The following FAAP20 variants were observed in gnomAD, a reference collection of about 807,000 sequenced individuals.
FAAP20 encodes the protein Fanconi anemia core complex-associated protein 20.
Under a neutral mutation model 16.2 loss-of-function variants are expected in FAAP20, and 12 were observed. The ratio of observed to expected loss-of-function variants is 0.74; its 90% CI spans 0.48 to 1.20. The LOEUF (loss-of-function observed/expected upper bound fraction) is 1.20, where lower values mean the gene tolerates loss of function less well. FAAP20 is among the 50% of genes most tolerant of loss of function. FAAP20 has a pLI of 0.00. For synonymous variants in FAAP20, 141 were observed against 110.7 expected, an observed-to-expected ratio of 1.27 and a Z score of -1.72; for missense variants, 288 against 245.8, an observed-to-expected ratio of 1.17 and a Z score of -1.15.
chr1:2,198,104 T>C, upstream of FAAP20: 2 of 1,291,242 alleles, frequency 1.5e-6, no homozygotes, highest in South Asian at 2.5e-5. Flanking sequence ...AACGCTCCAC[T>C]TCTTCGGAGC....
chr1:2,194,336 G>C (rs1167762940), intron 1 of FAAP20: 2 of 471,074 alleles, frequency 4.2e-6, no homozygotes, highest in Non-Finnish European at 7.4e-6. Flanking sequence ...GGGGGTGGGG[G>C]AGCGGGGTGG....
chr1:2,187,297 CTT>C (rs1287440881), downstream of FAAP20: 1 of 367,878 alleles, frequency 2.7e-6, no homozygotes, highest in African/African-American at 2.3e-5. Context: ...TTTTTTTTTT[CTT>C]TTTCTTTTTT....
downstream of FAAP20, chr1:2,184,496 T>C (rs1434456379): frequency 2.3e-5 from 21 of 930,022 alleles, 1 homozygote; most frequent in Admixed American, 4.7e-4. Flanking sequence ...CACTGTTTCA[T>C]TTTGTGATTG....
chr1:2,197,381 C>T (rs1025586603), upstream of FAAP20, among the ~76,000 whole-genome samples: 1 of 152,246 alleles, frequency 6.6e-6, no homozygotes, highest in Non-Finnish European at 1.5e-5. Context: ...CTCAAGTGAC[C>T]CAGACCCGGG....
At chr1:2,186,417 G>GC (rs1254234083), downstream of FAAP20, among the ~76,000 whole-genome samples, 1 of 151,924 alleles carries the variant, frequency 6.6e-6, no homozygotes, top group Admixed American at 6.6e-5. Context: ...TCACACCCAA[G>GC]CCCCAGGTGC....
chr1:2,205,143 T>G (rs1024824178), intron 3 of FAAP20, among the ~76,000 whole-genome samples: 5 of 6,162 alleles, frequency 8.1e-4, no homozygotes, highest in South Asian at 0.026. Flanking sequence ...CACCCCTCAA[T>G]CCCCGCCCCT....
In FAAP20 at chr1:2,189,715, C is replaced by T; in HGVS notation, c.537G>A (p.Thr179=). 1 of 1,609,390 alleles carries T rather than the reference C, an allele frequency of 6.2e-7. No individual in the cohort carries two copies. Among genetic ancestry groups the T allele is most frequent in the East Asian group, 2.2e-5 (1 of 44,858 alleles). Residue 179 remains threonine (T), a synonymous_variant, in exon 4 of 4, where the codon ACG becomes ACA. Coordinates refer to ENST00000378546, the MANE Select transcript of FAAP20 (RefSeq NM_182533.4). ...QCLAESTEDV[T]W ...CAGGGCTCTTGGATGGCGCTCACCA[C>T]GTCACGTCTTCTGTGCTTTCGGCCA...
At chr1:2,187,528 TC>T (rs1334733310), downstream of FAAP20, among the ~76,000 whole-genome samples, 6 of 152,276 alleles carry the variant, frequency 3.9e-5, no homozygotes, top group East Asian at 1.2e-3. Flanking sequence ...GGTCTTGAAC[TC>T]CTGACCTCAG....
downstream of FAAP20, chr1:2,187,192 C>A (rs1687693297): frequency 2.1e-6 from 1 of 471,188 alleles, no homozygotes; most frequent in African/African-American, 2.0e-5. Flanking sequence ...CAAAGTCTTG[C>A]ACATCCATGA....
chr1:2,211,399 T>TTA (rs1158545722), downstream of FAAP20, among the ~76,000 whole-genome samples: 371 of 20,990 alleles, frequency 0.018, 12 homozygotes, highest in Non-Finnish European at 0.022. Flanking sequence ...CTGGCTAATT[T>TTA]TATATATATA....
At chr1:2,191,556 C>A (rs1021042636) in intron 3 of FAAP20, 1 of 152,526 alleles carries the variant, frequency 6.6e-6, no homozygotes, top group Non-Finnish European at 1.5e-5. Context: ...ACCAGCCTGA[C>A]CAACATGGTG....
At chr1:2,211,618 T>C (rs1689449856), downstream of FAAP20, among the ~76,000 whole-genome samples, 1 of 146,322 alleles carries the variant, frequency 6.8e-6, no homozygotes, top group Non-Finnish European at 1.5e-5. Flanking sequence ...CGGCTAATTT[T>C]TGTTATATTT....
downstream of FAAP20, among the ~76,000 whole-genome samples, chr1:2,208,065 C>T (rs949649139): frequency 6.6e-6 from 1 of 152,266 alleles, no homozygotes; most frequent in Middle Eastern, 3.4e-3. Flanking sequence ...CACCAAGGCC[C>T]GTCTTGGATG....
At chr1:2,209,783 C>T (rs921038470), downstream of FAAP20, among the ~76,000 whole-genome samples, 1 of 152,216 alleles carries the variant, frequency 6.6e-6, no homozygotes, top group Non-Finnish European at 1.5e-5. Flanking sequence ...GTGAAGCCTC[C>T]CTCCTGCCCT....
chr1:2,184,581 A>G, downstream of FAAP20: 1 of 1,613,284 alleles, frequency 6.2e-7, no homozygotes, highest in Non-Finnish European at 8.5e-7. Context: ...TGTTTTTCCA[A>G]GCTGGAGAAG....
Position 2,193,650 on chromosome 1 carries a change from C to T in FAAP20, c.459G>A (p.Glu153=), listed in dbSNP as rs749586348. 15 of 1,597,114 alleles carry T rather than the reference C, an allele frequency of 9.4e-6. No homozygotes were observed. The South Asian group carries it at 1.7e-4, about 18-fold the overall frequency. ...GGTGGCCTACTCACCTGGGGGCGAA[C>T]TCCTTCTGGCACATGGGGCAGCTGC... ...ALRSCPMCQK[E]FAPRLTQLDV... Residue 153 remains glutamate, a synonymous_variant, in exon 3 of 4, where the codon GAG becomes GAA. Coordinates refer to ENST00000378546, the MANE Select transcript of FAAP20 (RefSeq NM_182533.4).
At chr1:2,206,750 G>C (rs1354178156) in intron 1 of FAAP20, 1 of 151,606 alleles carries the variant, frequency 6.6e-6, no homozygotes, top group Non-Finnish European at 1.5e-5. Flanking sequence ...GGAGAATGGT[G>C]TGAACCAGGG....
downstream of FAAP20, among the ~76,000 whole-genome samples, chr1:2,208,533 G>A (rs942564793): frequency 6.6e-6 from 1 of 152,170 alleles, no homozygotes; most frequent in Non-Finnish European, 1.5e-5. Context: ...CTGGGAGGGG[G>A]TGAGTACCAG....
upstream of FAAP20, chr1:2,203,549 G>T (rs1689128032): frequency 1.0e-6 from 1 of 986,048 alleles, no homozygotes; most frequent in Admixed American, 6.1e-5. Flanking sequence ...TCTGGAGCTG[G>T]CTGGTGCCCC....
Sources: gnomAD v4.1 joint callset for allele counts (sites outside exome capture counted in the v4.1 genomes callset) on GRCh38, gnomAD v4.1.1 for gene constraint, MANE v1.5 for transcripts, NCBI Gene and HGNC (gene_info 2026-07-23, HGNC 2026-07-21) for gene names.